The following PPP1R12B variants were observed in gnomAD, a reference collection of about 807,000 sequenced individuals.
PPP1R12B encodes the protein myosin phosphatase target subunit 2.
PPP1R12B carries 76 observed loss-of-function variants against 126.1 expected under a neutral mutation model. That is an observed-to-expected ratio of 0.60 (90% CI 0.50 to 0.73). The LOEUF (loss-of-function observed/expected upper bound fraction) is 0.73, where lower values mean the gene tolerates loss of function less well. Ranked by LOEUF, PPP1R12B falls within the 30% of genes least tolerant of loss-of-function variation. The pLI is 0.00. For synonymous variants in PPP1R12B, 356 were observed against 434.7 expected, an observed-to-expected ratio of 0.82 and a Z score of 2.25; for missense variants, 1,052 against 1,205.1, an observed-to-expected ratio of 0.87 and a Z score of 1.88.
intron 18 of PPP1R12B, among the ~76,000 whole-genome samples, chr1:202,532,975 T>C (rs1028520990): frequency 6.6e-6 from 1 of 150,412 alleles, no homozygotes; most frequent in Non-Finnish European, 1.5e-5. Context: ...GTTCAAATGA[T>C]TCTCCTGCCT....
chr1:202,498,732 C>T (rs1679857901), intron 18 of PPP1R12B, among the ~76,000 whole-genome samples: 1 of 152,186 alleles, frequency 6.6e-6, no homozygotes, highest in Non-Finnish European at 1.5e-5. Flanking sequence ...CCATTTTCAT[C>T]CTTCAGGCAG....
intron 13 of PPP1R12B, chr1:202,472,152 C>G (rs1676013097): frequency 3.6e-6 from 4 of 1,113,914 alleles, no homozygotes; most frequent in Non-Finnish European, 1.3e-6. Context: ...CGCCGGAAAA[C>G]AAAAGTTTTT....
intron 13 of PPP1R12B, among the ~76,000 whole-genome samples, chr1:202,484,190 T>C (rs1042504116): frequency 6.6e-6 from 1 of 152,200 alleles, no homozygotes; most frequent in Non-Finnish European, 1.5e-5. Flanking sequence ...CCTTCGTTCC[T>C]TTCTTCCTCT....
At chr1:202,418,310 A>G (rs1305225988) in intron 2 of PPP1R12B, among the ~76,000 whole-genome samples, 2 of 152,242 alleles carry the variant, frequency 1.3e-5, no homozygotes, top group African/African-American at 4.8e-5. Context: ...TGGCATGCTT[A>G]TGATATTTGA....
chr1:202,388,540 T>C (rs1663552492), intron 1 of PPP1R12B, among the ~76,000 whole-genome samples: 1 of 152,114 alleles, frequency 6.6e-6, no homozygotes, highest in Non-Finnish European at 1.5e-5. Flanking sequence ...TAATACTTTA[T>C]TATAAAGAAC....
At chr1:202,447,391 G>C (rs933389103) in intron 12 of PPP1R12B, among the ~76,000 whole-genome samples, 6 of 152,170 alleles carry the variant, frequency 3.9e-5, no homozygotes, top group Non-Finnish European at 7.3e-5. Context: ...TGTATCTGCT[G>C]AGTTTATATT....
chr1:202,452,845 T>C (rs1050813989), intron 13 of PPP1R12B, among the ~76,000 whole-genome samples: 1 of 151,734 alleles, frequency 6.6e-6, no homozygotes, highest in African/African-American at 2.4e-5. Context: ...TTTTTTTTTT[T>C]AAATAGAGAT....
chr1:202,529,695 G>A (rs1683726514), intron 18 of PPP1R12B, among the ~76,000 whole-genome samples: 1 of 152,138 alleles, frequency 6.6e-6, no homozygotes. Context: ...CTTGTGAGCT[G>A]AAATTTAAGT....
intron 1 of PPP1R12B, among the ~76,000 whole-genome samples, chr1:202,372,511 AAAT>A (rs994354846): frequency 1.4e-4 from 21 of 151,864 alleles, no homozygotes; most frequent in African/African-American, 4.6e-4. Context: ...CAAAAAAAAA[AAAT>A]AAATAAAGCA....
At chr1:202,502,684 A>G in intron 18 of PPP1R12B, 1 of 166,388 alleles carries the variant, frequency 6.0e-6, no homozygotes. Context: ...CATATAGAGT[A>G]GGCTAAGGAG....
At chr1:202,532,939 G>A (rs1364451830) in intron 18 of PPP1R12B, among the ~76,000 whole-genome samples, 2 of 134,292 alleles carry the variant, frequency 1.5e-5, no homozygotes, top group African/African-American at 2.8e-5. Context: ...TTGCGATCTC[G>A]GCTCACCCCA....
chr1:202,542,124 T>C (rs1326388201), intron 18 of PPP1R12B, among the ~76,000 whole-genome samples: 3 of 152,246 alleles, frequency 2.0e-5, no homozygotes, highest in African/African-American at 4.8e-5. Flanking sequence ...CTGCTGACAC[T>C]AAGGACTGGT....
rs763214517 is a variant in PPP1R12B at position 202,431,546 on chromosome 1, A to G, written c.1068A>G (p.Glu356=). Residue 356 remains glutamate (E), a synonymous_variant, in exon 8 of 24, where the codon GAA becomes GAG. Coordinates refer to ENST00000608999, the MANE Select transcript of PPP1R12B (RefSeq NM_002481.4). ...KSQEMEEENK[E]SSSSSSEEEE... ...AAGAAATGGAGGAAGAAAATAAAGA[A>G]TCTAGTAGCTCCAGCTCAGAGGAGG... 4.2e-5 allele frequency: 67 copies of G among 1,613,654 alleles called. No individual in the cohort carries two copies. In the South Asian group the frequency reaches 5.3e-4, roughly 13 times the overall value.
chr1:202,466,783 T>C (rs1174124378), intron 13 of PPP1R12B, among the ~76,000 whole-genome samples: 3 of 152,220 alleles, frequency 2.0e-5, no homozygotes, highest in Admixed American at 6.5e-5. Flanking sequence ...AAGTCCTCTT[T>C]AGAAAGAGGG....
At chr1:202,360,892 CTTT>C (rs11311546) in intron 1 of PPP1R12B, among the ~76,000 whole-genome samples, 22 of 109,408 alleles carry the variant, frequency 2.0e-4, no homozygotes, top group Non-Finnish European at 1.8e-4. Flanking sequence ...ACCATTAGCT[CTTT>C]TTTTTTTTTT....
chr1:202,399,449 C>G (rs753988689), intron 1 of PPP1R12B, among the ~76,000 whole-genome samples: 2 of 151,652 alleles, frequency 1.3e-5, no homozygotes, highest in Non-Finnish European at 2.9e-5. Flanking sequence ...TCAAACAATC[C>G]TCCCTCCTTA....
chr1:202,413,990 T>C (rs2843412), intron 1 of PPP1R12B, among the ~76,000 whole-genome samples: 147,889 of 152,184 alleles, frequency 0.97, 71,951 homozygotes, highest in East Asian at 1. Flanking sequence ...GGTGCCATCC[T>C]GGCTCACTGC....
At chr1:202,474,241 G>A (rs146173341) in intron 13 of PPP1R12B, among the ~76,000 whole-genome samples, 1 of 151,468 alleles carries the variant, frequency 6.6e-6, no homozygotes, top group Non-Finnish European at 1.5e-5. Context: ...AGAACTTTGA[G>A]AAGAAAATGG....
chr1:202,523,976 G>C (rs1359477184), intron 18 of PPP1R12B, among the ~76,000 whole-genome samples: 1 of 152,190 alleles, frequency 6.6e-6, no homozygotes, highest in Admixed American at 6.5e-5. Context: ...GCCTCCCAAA[G>C]TGCTGGGATT....
Sources: allele counts gnomAD v4.1 joint callset (sites outside exome capture counted in the v4.1 genomes callset), GRCh38; gene constraint gnomAD v4.1.1; transcripts MANE v1.5; gene names NCBI Gene and HGNC (gene_info 2026-07-23, HGNC 2026-07-21).